LEPR: variants seen among roughly 807,000 people sequenced by gnomAD.
LEPR encodes the protein OB receptor.
A neutral mutation model predicts 114.7 loss-of-function variants in LEPR; 56 were observed. That is an observed-to-expected ratio of 0.49 (90% CI 0.39 to 0.61). LEPR has a LOEUF of 0.61. LEPR is among the 20% of genes least tolerant of loss of function. The pLI, the probability that LEPR is intolerant of heterozygous loss-of-function variation, is 0.00. For synonymous variants in LEPR, 443 were observed against 461.4 expected, an observed-to-expected ratio of 0.96 and a Z score of 0.51; for missense variants, 1,202 against 1,352.9, an observed-to-expected ratio of 0.89 and a Z score of 1.75.
chr1:65,525,517 C>A, intron 2 of LEPR: 1 of 587,862 alleles, frequency 1.7e-6, no homozygotes, highest in South Asian at 7.5e-5. Context: ...GCGCGACCGC[C>A]CTAGCCGCTC....
chr1:65,447,653 C>G (rs1237138078), intron 2 of LEPR, among the ~76,000 whole-genome samples: 1 of 151,686 alleles, frequency 6.6e-6, no homozygotes, highest in Non-Finnish European at 1.5e-5. Flanking sequence ...CCACCTCAGC[C>G]CCTTGAGTAC....
At chr1:65,512,438 C>A (rs992578623) in intron 2 of LEPR, among the ~76,000 whole-genome samples, 20 of 152,292 alleles carry the variant, frequency 1.3e-4, no homozygotes, top group Non-Finnish European at 2.8e-4. Context: ...TCCAACTTGC[C>A]TCAGCAAGGT....
intron 19 of LEPR, 48 bp downstream of exon 19, chr1:65,623,029 T>G: frequency 3.9e-6 from 6 of 1,544,724 alleles, no homozygotes; most frequent in African/African-American, 1.4e-5. Context: ...GATTGCAATC[T>G]AGACGCCATA....
At chr1:65,503,796 TACACACACACACAC>T (rs71584485) in intron 2 of LEPR, among the ~76,000 whole-genome samples, 1 of 147,258 alleles carries the variant, frequency 6.8e-6, no homozygotes, top group Non-Finnish European at 1.5e-5. Flanking sequence ...TGAAGTTAGC[TACACACACACACAC>T]ACACACACAC....
chr1:65,551,793 A>G (rs1652389659), intron 2 of LEPR, among the ~76,000 whole-genome samples: 1 of 151,948 alleles, frequency 6.6e-6, no homozygotes, highest in Non-Finnish European at 1.5e-5. Context: ...TTTAATTGTG[A>G]TGATAGGGTG....
At chr1:65,556,673 C>T (rs1427658819) in intron 2 of LEPR, among the ~76,000 whole-genome samples, 1 of 152,034 alleles carries the variant, frequency 6.6e-6, no homozygotes, top group African/African-American at 2.4e-5. Flanking sequence ...AGGAGAATGC[C>T]TCTTTGAAGG....
At chr1:65,458,994 A>G (rs1323146457) in intron 2 of LEPR, among the ~76,000 whole-genome samples, 1 of 152,174 alleles carries the variant, frequency 6.6e-6, no homozygotes, top group Non-Finnish European at 1.5e-5. Context: ...GGCACTCTTC[A>G]TTTCTGTGAG....
intron 2 of LEPR, among the ~76,000 whole-genome samples, chr1:65,545,516 G>A (rs533012376): frequency 2.0e-5 from 3 of 151,480 alleles, no homozygotes; most frequent in South Asian, 4.2e-4. Flanking sequence ...GTGTGAGATG[G>A]TATCTCATTG....
At chr1:65,507,612 C>G (rs112314233) in intron 2 of LEPR, among the ~76,000 whole-genome samples, 48,470 of 149,428 alleles carry the variant, frequency 0.32, 10,051 homozygotes, top group Non-Finnish European at 0.46. Context: ...AGGTTGTTTC[C>G]ATATCTTGGC....
At chr1:65,551,163 T>G (rs991035670) in intron 2 of LEPR, among the ~76,000 whole-genome samples, 8 of 152,112 alleles carry the variant, frequency 5.3e-5, no homozygotes, top group Non-Finnish European at 8.8e-5. Context: ...TCAGGGATAT[T>G]GGCCTGAAAT....
intron 2 of LEPR, among the ~76,000 whole-genome samples, chr1:65,557,242 C>T (rs1220275683): frequency 6.6e-6 from 1 of 152,076 alleles, no homozygotes; most frequent in Non-Finnish European, 1.5e-5. Context: ...ATTTTAACTA[C>T]TCAGAATTTA....
At chr1:65,421,423 G>T (rs1397459144) in intron 1 of LEPR, 1 of 1,535,980 alleles carries the variant, frequency 6.5e-7, no homozygotes, top group African/African-American at 1.4e-5. Context: ...AGCAATGCGA[G>T]ACGGAAAAGG....
At position 65,633,441 on chromosome 1, in the gene LEPR, C is replaced by T; in HGVS notation, c.2674-2750C>T. 2 of 1,264,860 alleles carry T rather than the reference C, an allele frequency of 1.6e-6. No homozygotes were observed. The highest frequency in any genetic ancestry group is 9.9e-7 in the Non-Finnish European group (1 of 1,005,588). The allele number at this position is 1,264,860 out of a possible 1,614,324, so 78.4% of individuals were successfully genotyped here. A position where few individuals can be genotyped will look rare whatever the true frequency, so the allele number is the denominator to read the frequency against. On this transcript the variant is annotated intron_variant, in intron 19 of 19. Coordinates refer to ENST00000349533, the MANE Select transcript of LEPR (RefSeq NM_002303.6). The surrounding 1 kb of genome is among the most constrained non-coding windows in gnomAD (Gnocchi z 4.1). The stretch of plus-strand genomic sequence containing the variant: ...TAAAAGTAGTATTCATGATTTCTGG[C>T]TTTTGATTTGTCATATTCCTGGTCA...
chr1:65,444,350 T>C (rs949039644), intron 2 of LEPR, among the ~76,000 whole-genome samples: 2 of 152,008 alleles, frequency 1.3e-5, no homozygotes, highest in South Asian at 2.1e-4. Flanking sequence ...CCTCTCATAA[T>C]GTGTTGCTAC....
intron 2 of LEPR, among the ~76,000 whole-genome samples, chr1:65,555,174 C>T (rs1652729215): frequency 1.3e-5 from 2 of 152,152 alleles, no homozygotes; most frequent in Admixed American, 1.3e-4. Flanking sequence ...TTGCCAGCCA[C>T]CCCCGCCTGT....
intron 2 of LEPR, chr1:65,433,848 A>G: frequency 1.0e-6 from 1 of 985,294 alleles, no homozygotes; most frequent in Non-Finnish European, 1.2e-6. Flanking sequence ...CTTGCCTGAA[A>G]AGATAACAAA....
At chr1:65,553,291 A>C (rs1299649875) in intron 2 of LEPR, among the ~76,000 whole-genome samples, 1 of 152,146 alleles carries the variant, frequency 6.6e-6, no homozygotes, top group Admixed American at 6.5e-5. Context: ...GTTCTCCTGG[A>C]TAATATCCTG....
intron 7 of LEPR, among the ~76,000 whole-genome samples, 175 bp from the exon 8 acceptor site, chr1:65,598,485 C>T (rs1423346622): frequency 6.6e-6 from 1 of 151,984 alleles, no homozygotes; most frequent in African/African-American, 2.4e-5. Flanking sequence ...ATTTTATTGA[C>T]TAATGTGCAA....
At chr1:65,456,000 G>A (rs1646868233) in intron 2 of LEPR, among the ~76,000 whole-genome samples, 1 of 152,148 alleles carries the variant, frequency 6.6e-6, no homozygotes, top group Non-Finnish European at 1.5e-5. Context: ...CATTTTTTAA[G>A]CCCGTCGGAA....
Sources: gnomAD v4.1 joint callset for allele counts (sites outside exome capture counted in the v4.1 genomes callset) on GRCh38, gnomAD v4.1.1 for gene constraint, Gnocchi (gnomAD v3.1) non-coding constraint, MANE v1.5 for transcripts, NCBI Gene and HGNC (gene_info 2026-07-23, HGNC 2026-07-21) for gene names.